SNX11: variants seen among roughly 807,000 people sequenced by gnomAD.
The protein encoded by SNX11 is sorting nexin 11.
In SNX11, 19 loss-of-function variants were observed where a neutral mutation model predicts 30.7. The ratio of observed to expected loss-of-function variants is 0.62; its 90% CI spans 0.43 to 0.91. The LOEUF is 0.91. SNX11 is among the 40% of genes least tolerant of loss of function. The pLI is 0.00. For missense variants in SNX11, 302 were observed against 326.7 expected, an observed-to-expected ratio of 0.92 and a Z score of 0.58; for synonymous variants, 112 against 119.0, an observed-to-expected ratio of 0.94 and a Z score of 0.38.
chr17:48,119,201 C>A lies in SNX11; in HGVS notation c.539+15C>A. ...CAGCCTAAGAGGTAACTGGAGTACT[C>A]TTTGAGATAGCAGGGGCTAGGTTTG... On this transcript the variant is annotated intron_variant, in intron 6 of 6. Transcript: ENST00000359238. 1 of 1,597,334 alleles carries A rather than the reference C, an allele frequency of 6.3e-7. No individual in the cohort carries two copies. Among genetic ancestry groups the A allele is most frequent in the South Asian group, 1.1e-5 (1 of 90,676 alleles).
chr17:48,118,564 C>T (rs8071267), intron 4 of SNX11, 140 bp from the exon 5 acceptor site: 310,552 of 570,532 alleles, frequency 0.54, 88,636 homozygotes, highest in East Asian at 0.69. Context: ...GGCGACAGAG[C>T]GAGACTCCAT....
intron 5 of SNX11, 29 bp downstream of exon 5, chr17:48,118,828 C>T: frequency 1.9e-6 from 3 of 1,599,388 alleles, no homozygotes; most frequent in Non-Finnish European, 1.7e-6. Context: ...TGGTGCTGGC[C>T]ACCAAGGGTG....
At chr17:48,113,226 A>G (rs2063508046) in intron 3 of SNX11, 75 bp from the exon 4 acceptor site, 3 of 1,215,922 alleles carry the variant, frequency 2.5e-6, no homozygotes, top group South Asian at 2.4e-5. Flanking sequence ...AGTGAAAGCA[A>G]TGATAGGGAG....
At chr17:48,120,507 CTTTT>C (rs71141968) in intron 6 of SNX11, among the ~76,000 whole-genome samples, 1 of 69,536 alleles carries the variant, frequency 1.4e-5, no homozygotes. Flanking sequence ...CGCACCTGGC[CTTTT>C]TTTTTTTTTT....
Position 48,118,963 on chromosome 17 carries a change from G to GT in SNX11, c.327-6dup, listed in dbSNP as rs1167368267. ...TGATGCTCTGTGTTGTGCTACCTGT[G>GT]TTTTTCCCAGGGTCCTGCAGAGTGT... is the stretch of plus-strand genomic sequence containing the variant. On this transcript the variant is annotated splice_polypyrimidine_tract_variant and intron_variant, in intron 5 of 6. Transcript: ENST00000359238. 2 of 1,613,688 alleles carry GT rather than the reference G, an allele frequency of 1.2e-6. No homozygotes were observed. The highest frequency in any genetic ancestry group is 1.7e-6 in the Non-Finnish European group (2 of 1,179,764).
At chr17:48,116,865 C>CTTT (rs143715469) in intron 4 of SNX11, among the ~76,000 whole-genome samples, 8 of 139,336 alleles carry the variant, frequency 5.7e-5, no homozygotes, top group Non-Finnish European at 1.1e-4. Flanking sequence ...TGCGCCCGGC[C>CTTT]TTTTTTTTTT....
intron 4 of SNX11, 121 bp from the exon 5 acceptor site, chr17:48,118,583 A>C: frequency 1.5e-6 from 1 of 685,172 alleles, no homozygotes. Context: ...ATCTCAAAAA[A>C]AAAAAAAAAA....
intron 4 of SNX11, among the ~76,000 whole-genome samples, chr17:48,116,363 T>G (rs2063546116): frequency 6.6e-6 from 1 of 152,092 alleles, no homozygotes; most frequent in African/African-American, 2.4e-5. Flanking sequence ...ACTACAGGTA[T>G]GTGCCACCAT....
rs1348974894 is a variant in SNX11 at position 48,109,260 on chromosome 17, ACTTT to A, written c.-14+1427_-14+1430del. 1.2e-4 allele frequency among the ~76,000 whole-genome samples: 15 copies of A among 127,156 alleles called. 1 individual carries two copies. Among genetic ancestry groups the A allele is most frequent in the South Asian group, 8.8e-4 (3 of 3,422 alleles). The allele number at this position is 127,156 out of a possible 152,430, so 83.4% of individuals were successfully genotyped here. A position where few individuals can be genotyped will look rare whatever the true frequency, so the allele number is the denominator to read the frequency against. ...GTTTTTAAGGACAGTTACAACTGAA[ACTTT>A]CTTTTTTTTTTTTTGAGACGGAGTC... is the stretch of plus-strand genomic sequence containing the variant. On this transcript the variant is annotated intron_variant, in intron 1 of 6. Transcript: ENST00000359238.
At position 48,120,790 on chromosome 17, in the gene SNX11, G is replaced by A. The variant is rs572885538; in HGVS notation, c.540-445G>A. ...CTCCCAAAGTGCTGGGATTACAGGC[G>A]TGAGCCACCACGCCCGGCCTCTTTT... On this transcript the variant is annotated intron_variant, in intron 6 of 6. Coordinates refer to ENST00000359238, the MANE Select transcript of SNX11 (RefSeq NM_013323.3). Among the ~76,000 whole-genome samples, 37 of 151,908 alleles carry A rather than the reference G, an allele frequency of 2.4e-4. No homozygotes were observed. The East Asian group carries it at 4.7e-3, about 19-fold the overall frequency.
Position 48,121,557 on chromosome 17 carries a change from C to A in SNX11, c.*49C>A. The A allele has an allele frequency of 1.3e-6, 2 of 1,592,176 alleles. No individual in the cohort carries two copies. Among genetic ancestry groups the A allele is most frequent in the African/African-American group, 1.3e-5 (1 of 74,610 alleles). ...GTCAGAGAAGATGCGGGCCAGGAGA[C>A]TTACTCAGGTGGGACTGGGCACAGG... is the stretch of plus-strand genomic sequence containing the variant. On this transcript the variant is annotated 3_prime_UTR_variant, in exon 7 of 7. Transcript: ENST00000359238.
rs1161162401 is a variant in SNX11 at position 48,121,941 on chromosome 17, C to G, written c.*433C>G. On this transcript the variant is annotated 3_prime_UTR_variant, in exon 7 of 7. Coordinates refer to ENST00000359238, the MANE Select transcript of SNX11 (RefSeq NM_013323.3). ...GCTGGCTTCAGTTTTTGCTGTAGCC[C>G]TAGAGCACTTTGTTTGTGGGAGGCT... 6.2e-6 allele frequency: 1 copy of G among 161,864 alleles called. No homozygotes were observed. The highest frequency in any genetic ancestry group is 2.4e-5 in the African/African-American group (1 of 41,538). The allele number at this position is 161,864 out of a possible 1,614,324, so 10.0% of individuals were successfully genotyped here. A position where few individuals can be genotyped will look rare whatever the true frequency, so the allele number is the denominator to read the frequency against.
Position 48,119,023 on chromosome 17 carries a change from C to T in SNX11, c.376C>T (p.Leu126=). The change falls in exon 6 of 7, where the codon CTG becomes TTG. Residue 126 remains leucine (L), a synonymous_variant. Transcript: ENST00000359238. ...GTCAGACAGCCAGTTGCACCTATTC[C>T]TGCAAAGCCAGCTCTCGGTGCCTGA... is the stretch of plus-strand genomic sequence containing the variant. The part of the protein sequence containing the change: ...LLSDSQLHLF[L]QSQLSVPEIE... 6.2e-7 allele frequency: 1 copy of T among 1,614,080 alleles called. No individual in the cohort carries two copies. Among genetic ancestry groups the T allele is most frequent in the African/African-American group, 1.3e-5 (1 of 75,030 alleles).
intron 4 of SNX11, among the ~76,000 whole-genome samples, chr17:48,114,440 C>G (rs2063523293): frequency 1.3e-5 from 2 of 150,640 alleles, no homozygotes; most frequent in South Asian, 4.2e-4. Context: ...AGGCGTGAGG[C>G]ACCATGCCCA....
At chr17:48,115,933 C>T (rs1052540366) in intron 4 of SNX11, among the ~76,000 whole-genome samples, 6 of 131,220 alleles carry the variant, frequency 4.6e-5, no homozygotes, top group Non-Finnish European at 4.8e-5. Flanking sequence ...TTTTGTTTTT[C>T]TTTTTCTTTC....
intron 4 of SNX11, among the ~76,000 whole-genome samples, chr17:48,117,117 T>G (rs920153523): frequency 6.6e-6 from 1 of 151,262 alleles, no homozygotes; most frequent in African/African-American, 2.4e-5. Context: ...TGCAATGGCT[T>G]GATCTCAGCT....
Position 48,121,571 on chromosome 17 carries a change from A to G in SNX11, c.*63A>G. ...GGGCCAGGAGACTTACTCAGGTGGGACTGGGCACAGGGCAGGTATGTGGGA... is the reference window on the plus strand; with the variant it reads ...GGGCCAGGAGACTTACTCAGGTGGGGCTGGGCACAGGGCAGGTATGTGGGA... On this transcript the variant is annotated 3_prime_UTR_variant, in exon 7 of 7. Transcript: ENST00000359238. 6.4e-7 allele frequency: 1 copy of G among 1,566,860 alleles called. No individual in the cohort carries two copies. Among genetic ancestry groups the G allele is most frequent in the African/African-American group, 1.3e-5 (1 of 74,160 alleles).
At chr17:48,113,638 T>A in intron 4 of SNX11, 1 of 391,936 alleles carries the variant, frequency 2.6e-6, no homozygotes, top group East Asian at 5.9e-5. Context: ...CTCAACCTCC[T>A]GGGTTCTAGC....
At chr17:48,110,078 C>G (rs1431167038) in intron 1 of SNX11, among the ~76,000 whole-genome samples, 1 of 152,110 alleles carries the variant, frequency 6.6e-6, no homozygotes, top group Non-Finnish European at 1.5e-5. Context: ...GAATATTTAA[C>G]TCTCTGCTCC....
Sources: gnomAD v4.1 joint callset for allele counts (sites outside exome capture counted in the v4.1 genomes callset) on GRCh38, gnomAD v4.1.1 for gene constraint, MANE v1.5 for transcripts, NCBI Gene and HGNC (gene_info 2026-07-23, HGNC 2026-07-21) for gene names.